SLC7A9: variants seen among roughly 807,000 people sequenced by gnomAD.
SLC7A9 encodes solute carrier family 7 member 9.
Under a neutral mutation model 54.1 loss-of-function variants are expected in SLC7A9, and 38 were observed. The observed-to-expected ratio is 0.70, with a 90% CI of 0.54 to 0.92. The LOEUF (loss-of-function observed/expected upper bound fraction) is 0.92. Ranked by LOEUF, SLC7A9 falls within the 40% of genes least tolerant of loss-of-function variation. SLC7A9 has a pLI of 0.00. For synonymous variants in SLC7A9, 264 were observed against 258.9 expected (o/e 1.02, Z -0.19); for missense variants, 537 against 636.1 (o/e 0.84, Z 1.68).
At chr19:32,852,095 C>T (rs372192844) in intron 9 of SLC7A9, among the ~76,000 whole-genome samples, 1 of 151,994 alleles carries the variant, frequency 6.6e-6, no homozygotes, top group Non-Finnish European at 1.5e-5. Context: ...ATGGGTGCAG[C>T]ACACCAACAT....
chr19:32,842,968 G>A (rs1052083102), intron 10 of SLC7A9, among the ~76,000 whole-genome samples: 7 of 152,170 alleles, frequency 4.6e-5, no homozygotes, highest in Admixed American at 1.3e-4. Context: ...GTCTTGGCCT[G>A]TGTTAGTTGT....
At chr19:32,865,392 C>T (rs2145848407) in intron 2 of SLC7A9, among the ~76,000 whole-genome samples, 1 of 152,356 alleles carries the variant, frequency 6.6e-6, no homozygotes, top group Non-Finnish European at 1.5e-5. Flanking sequence ...CAGCCTCGAA[C>T]TCCTGGGCTC....
At chr19:32,862,672 T>TA (rs933692981) in intron 4 of SLC7A9, 86 bp from the exon 5 acceptor site, 157 of 1,251,654 alleles carry the variant, frequency 1.3e-4, no homozygotes, top group Non-Finnish European at 1.4e-4. Context: ...TTTTTTATTT[T>TA]TTTTTTTTTT....
chr19:32,866,652 A>G (rs969845340), intron 2 of SLC7A9, among the ~76,000 whole-genome samples: 47 of 152,188 alleles, frequency 3.1e-4, no homozygotes, highest in African/African-American at 1.1e-3. Context: ...GGGGCCCACC[A>G]GGGTTCTAAG....
intron 11 of SLC7A9, among the ~76,000 whole-genome samples, chr19:32,838,182 G>A (rs779696681): frequency 3.3e-5 from 5 of 152,094 alleles, no homozygotes; most frequent in African/African-American, 1.2e-4. Flanking sequence ...ATAAAAGGCC[G>A]CTTAATATAA....
intron 2 of SLC7A9, among the ~76,000 whole-genome samples, chr19:32,865,428 C>T (rs1443815067): frequency 6.6e-6 from 1 of 152,230 alleles, no homozygotes; most frequent in Non-Finnish European, 1.5e-5. Context: ...CTCAGCCTCC[C>T]AAAGTGCTGG....
At chr19:32,854,009 T>G (rs1487775489) in intron 9 of SLC7A9, among the ~76,000 whole-genome samples, 1 of 149,870 alleles carries the variant, frequency 6.7e-6, no homozygotes, top group Admixed American at 6.7e-5. Context: ...GAAGACTCAG[T>G]ATTTTTTTTT....
At chr19:32,864,044 C>G in intron 4 of SLC7A9, 52 bp downstream of exon 4, 1 of 1,612,120 alleles carries the variant, frequency 6.2e-7, no homozygotes, top group Non-Finnish European at 8.5e-7. Context: ...AGTCCCCAGA[C>G]ACCCTCTGTG....
At chr19:32,833,031 A>T in intron 12 of SLC7A9, 118 bp downstream of exon 12, 2 of 1,006,872 alleles carry the variant, frequency 2.0e-6, no homozygotes, top group Non-Finnish European at 3.2e-6. Context: ...TCCTGGGACG[A>T]GGGAGATCTG....
intron 7 of SLC7A9, 21 bp downstream of exon 7, chr19:32,860,585 C>G: frequency 6.2e-7 from 1 of 1,614,134 alleles, no homozygotes; most frequent in Non-Finnish European, 8.5e-7. Context: ...CTACTGTCCT[C>G]TGCACTGATT....
intron 7 of SLC7A9, 21 bp from the exon 8 acceptor site, chr19:32,859,985 G>T: frequency 6.2e-7 from 1 of 1,614,034 alleles, no homozygotes; most frequent in Non-Finnish European, 8.5e-7. Context: ...CAATGACACG[G>T]AGACCCACGT....
chr19:32,844,559 C>T (rs935698957), intron 9 of SLC7A9, among the ~76,000 whole-genome samples: 2 of 151,994 alleles, frequency 1.3e-5, no homozygotes, highest in African/African-American at 4.8e-5. Flanking sequence ...CGGCCAGGCA[C>T]AGTGGCTCAC....
intron 9 of SLC7A9, among the ~76,000 whole-genome samples, chr19:32,856,987 C>A (rs1968647076): frequency 6.6e-6 from 1 of 152,028 alleles, no homozygotes; most frequent in African/African-American, 2.4e-5. Context: ...TCCGTCTCTA[C>A]TAAAAATACA....
intron 2 of SLC7A9, 141 bp downstream of exon 2, chr19:32,868,306 CT>C: frequency 2.9e-6 from 2 of 697,084 alleles, no homozygotes; most frequent in South Asian, 3.0e-5. Flanking sequence ...GAGATTATCC[CT>C]TTAAAGATGT....
chr19:32,838,543 T>C (rs62124973), intron 11 of SLC7A9, among the ~76,000 whole-genome samples: 15,350 of 147,986 alleles, frequency 0.1, 819 homozygotes, highest in Middle Eastern at 0.14. Context: ...ATATTTGTTG[T>C]ATATATGTTA....
chr19:32,830,744 G>T (rs957840123), intron 12 of SLC7A9, 60 bp from the exon 13 acceptor site: 2 of 1,346,298 alleles, frequency 1.5e-6, no homozygotes, highest in Middle Eastern at 1.8e-4. Flanking sequence ...AGTTTCACTG[G>T]AGTTGTTGTG....
intron 11 of SLC7A9, among the ~76,000 whole-genome samples, chr19:32,837,585 T>C (rs1420055035): frequency 6.6e-6 from 1 of 151,204 alleles, no homozygotes; most frequent in African/African-American, 2.4e-5. Context: ...CCAACACAGA[T>C]TACATTAGAT....
intron 4 of SLC7A9, 91 bp from the exon 5 acceptor site, chr19:32,862,677 T>A (rs1305967412): frequency 3.1e-5 from 39 of 1,241,094 alleles, no homozygotes; most frequent in African/African-American, 7.9e-5. Context: ...TATTTTTTTT[T>A]TTTTTTGAGA....
chr19:32,848,521 C>G (rs146113505), intron 9 of SLC7A9, among the ~76,000 whole-genome samples: 1 of 152,050 alleles, frequency 6.6e-6, no homozygotes, highest in African/African-American at 2.4e-5. Flanking sequence ...CAGGAGCACC[C>G]AGATTCATAA....
Sources: gnomAD v4.1 joint callset for allele counts (sites outside exome capture counted in the v4.1 genomes callset) on GRCh38, gnomAD v4.1.1 for gene constraint, MANE v1.5 for transcripts, NCBI Gene and HGNC (gene_info 2026-07-23, HGNC 2026-07-21) for gene names.